The following SLC30A5 variants were observed in gnomAD, a reference collection of about 807,000 sequenced individuals.
SLC30A5 encodes the protein solute carrier family 30 member 5.
SLC30A5 carries 33 observed loss-of-function variants against 79.6 expected under a neutral mutation model. That is an observed-to-expected ratio of 0.41 (90% CI 0.31 to 0.55). SLC30A5 has a LOEUF of 0.55. Ranked by LOEUF, SLC30A5 falls within the 20% of genes least tolerant of loss-of-function variation. SLC30A5 has a pLI of 0.20. For missense variants in SLC30A5, 788 were observed against 928.1 expected, an observed-to-expected ratio of 0.85 and a Z score of 1.96; for synonymous variants, 299 against 319.7, an observed-to-expected ratio of 0.94 and a Z score of 0.69.
chr5:69,114,833 C>G (rs1036937731), intron 7 of SLC30A5, among the ~76,000 whole-genome samples: 3 of 152,066 alleles, frequency 2.0e-5, no homozygotes, highest in African/African-American at 7.2e-5. Context: ...CTATTGCACT[C>G]CAGCCTGGGC....
In SLC30A5 at chr5:69,121,761, A is replaced by T. The variant is rs1035493378; in HGVS notation, c.1637A>T (p.His546Leu). The T allele has an allele frequency of 1.9e-6, 3 of 1,612,398 alleles. No homozygotes were observed. In the African/African-American group the frequency reaches 4.0e-5, roughly 22 times the overall value. ...TGTGCCTTTAGCCATGCCCATAGCC[A>T]TGCCCATGGAGCTTCTCAAGGAAGC... ...GICAFSHAHS[H>L]AHGASQGSCH... The change falls in exon 13 of 16, where the codon CAT becomes CTT. Residue 546 changes from histidine (H) to leucine (L), a missense_variant. This residue lies in a region of SLC30A5 where 626 missense variants were observed against 755.5 expected (regional missense o/e 0.83). Transcript: ENST00000396591.
Position 69,118,311 on chromosome 5 carries a change from GTA to G in SLC30A5, c.1440-176_1440-175del, listed in dbSNP as rs1193400632. 310 of 158,368 alleles carry G rather than the reference GTA, an allele frequency of 2.0e-3. 3 individuals carry two copies. Among genetic ancestry groups the G allele is most frequent in the Middle Eastern group, 8.1e-3 (3 of 370 alleles). 9.8% of individuals were successfully genotyped at this position (158,368 alleles called of 1,614,324 possible). On this transcript the variant is annotated intron_variant, in intron 11 of 15. Coordinates refer to ENST00000396591, the MANE Select transcript of SLC30A5 (RefSeq NM_022902.5). ...TCATATATAACGTGTATATATATGT[GTA>G]TATATATATATGTATATATATATGA...
chr5:69,104,024 T>C (rs1474585812), intron 3 of SLC30A5: 1 of 1,569,040 alleles, frequency 6.4e-7, no homozygotes, highest in South Asian at 1.2e-5. Flanking sequence ...TAAATGATCC[T>C]AGGAAACTAG....
chr5:69,111,545 C>T (rs1021006250), intron 5 of SLC30A5, among the ~76,000 whole-genome samples: 7 of 151,950 alleles, frequency 4.6e-5, no homozygotes, highest in Admixed American at 3.9e-4. Context: ...ACCTCATGAT[C>T]CACCCGCCTC....
chr5:69,104,402 A>C (rs1746024111), intron 3 of SLC30A5: 1 of 1,182,810 alleles, frequency 8.5e-7, no homozygotes, highest in African/African-American at 1.6e-5. Context: ...TCGGCCTCAC[A>C]AAGTGCTAGG....
chr5:69,116,684 C>T lies in SLC30A5; in HGVS notation c.1281+82C>T. 2 of 903,446 alleles carry T rather than the reference C, an allele frequency of 2.2e-6. No homozygotes were observed. Among genetic ancestry groups the T allele is most frequent in the Non-Finnish European group, 3.1e-6 (2 of 649,550 alleles). The allele number at this position is 903,446 out of a possible 1,614,324, so 56.0% of individuals were successfully genotyped here. On this transcript the variant is annotated intron_variant, in intron 10 of 15. Coordinates refer to ENST00000396591, the MANE Select transcript of SLC30A5 (RefSeq NM_022902.5). The surrounding 1 kb of genome is among the most constrained non-coding windows in gnomAD (Gnocchi z 4.0). ...CAGTTCTGGTATAAGTTTAGTACTT[C>T]CCAAATTTCTGATAATAAGATGAGC...
chr5:69,117,325 C>T lies in SLC30A5; in HGVS notation c.1368C>T (p.Cys456=), dbSNP rs1415466620. The stretch of plus-strand genomic sequence containing the variant: ...ATGGATTCCACATGCTTTTTGACTG[C>T]TCTGCTTTAGTCATGGGACTTTTTG... The part of the protein sequence containing the change: ...ISDGFHMLFD[C]SALVMGLFAA... The change falls in exon 11 of 16, where the codon TGC becomes TGT. Residue 456 remains cysteine (C), a synonymous_variant. Transcript: ENST00000396591. 1 of 1,613,872 alleles carries T rather than the reference C, an allele frequency of 6.2e-7. No homozygotes were observed. Among genetic ancestry groups the T allele is most frequent in the Non-Finnish European group, 8.5e-7 (1 of 1,179,946 alleles).
intron 3 of SLC30A5, 39 bp from the exon 4 acceptor site, chr5:69,104,592 T>C: frequency 6.7e-7 from 1 of 1,489,354 alleles, no homozygotes; most frequent in Non-Finnish European, 9.0e-7. Context: ...GCAAAATATA[T>C]GTGACTGAAA....
In SLC30A5 at chr5:69,116,669, A is replaced by G. The variant is rs921870769; in HGVS notation, c.1281+67A>G. 7 of 1,144,936 alleles carry G rather than the reference A, an allele frequency of 6.1e-6. No individual in the cohort carries two copies. The highest frequency in any genetic ancestry group is 3.1e-5 in the African/African-American group (2 of 63,510). 70.9% of individuals were successfully genotyped at this position (1,144,936 alleles called of 1,614,324 possible). A position where few individuals can be genotyped will look rare whatever the true frequency, so the allele number is the denominator to read the frequency against. On this transcript the variant is annotated intron_variant, in intron 10 of 15. Transcript: ENST00000396591. The surrounding 1 kb of genome is among the most constrained non-coding windows in gnomAD (Gnocchi z 4.0). ...ATATTTTAATTTTGACAGTTCTGGT[A>G]TAAGTTTAGTACTTCCCAAATTTCT...
At chr5:69,104,858 T>C in intron 4 of SLC30A5, 142 bp downstream of exon 4, 1 of 721,216 alleles carries the variant, frequency 1.4e-6, no homozygotes, top group East Asian at 3.1e-5. Context: ...ATTCAACAGA[T>C]AGAACAAACC....
chr5:69,100,090 TC>T (rs1317610624), intron 1 of SLC30A5, among the ~76,000 whole-genome samples: 1 of 152,098 alleles, frequency 6.6e-6, no homozygotes, highest in Non-Finnish European at 1.5e-5. Flanking sequence ...TGCCTCAGCC[TC>T]CCAGGTGGCT....
chr5:69,113,570 GA>G (rs1746289022), intron 6 of SLC30A5, among the ~76,000 whole-genome samples: 1 of 151,822 alleles, frequency 6.6e-6, no homozygotes, highest in South Asian at 2.1e-4. Flanking sequence ...GCTGATAAAT[GA>G]AAAACCTTTA....
chr5:69,117,505 A>G (rs2111980408), intron 11 of SLC30A5, 109 bp downstream of exon 11: 1 of 989,392 alleles, frequency 1.0e-6, no homozygotes. Context: ...CCAAATCTTC[A>G]TTTTTAAAAA....
chr5:69,118,441 T>C, intron 11 of SLC30A5, 58 bp from the exon 12 acceptor site: 1 of 1,493,908 alleles, frequency 6.7e-7, no homozygotes, highest in Non-Finnish European at 9.1e-7. Flanking sequence ...ATTTATAAAG[T>C]TTATACTTTA....
chr5:69,116,747 A>T lies in SLC30A5; in HGVS notation c.1281+145A>T. 3.6e-6 allele frequency: 2 copies of T among 559,140 alleles called. No individual in the cohort carries two copies. Among genetic ancestry groups the T allele is most frequent in the Non-Finnish European group, 5.9e-6 (2 of 339,080 alleles). The allele number at this position is 559,140 out of a possible 1,614,324, so 34.6% of individuals were successfully genotyped here. On this transcript the variant is annotated intron_variant, in intron 10 of 15. Transcript: ENST00000396591. The surrounding 1 kb of genome is among the most constrained non-coding windows in gnomAD (Gnocchi z 4.0). ...TTTTTCTAAGTATAATAGCAAGATTACGAGATCATATTCAGATTCCTTAGG... is the reference window on the plus strand; with the variant it reads ...TTTTTCTAAGTATAATAGCAAGATTTCGAGATCATATTCAGATTCCTTAGG...
intron 11 of SLC30A5, among the ~76,000 whole-genome samples, chr5:69,117,893 G>C (rs1308875573): frequency 7.0e-6 from 1 of 142,932 alleles, no homozygotes; most frequent in Non-Finnish European, 1.5e-5. Flanking sequence ...AAAAAAGACA[G>C]GGCCAGGTGC....
At chr5:69,103,962 A>G in intron 3 of SLC30A5, 2 of 1,547,524 alleles carry the variant, frequency 1.3e-6, no homozygotes, top group Admixed American at 1.9e-5. Flanking sequence ...CTCCTTTCAG[A>G]TAATTGGATC....
chr5:69,102,419 T>A (rs1032595664), intron 2 of SLC30A5, among the ~76,000 whole-genome samples: 1 of 152,156 alleles, frequency 6.6e-6, no homozygotes, highest in African/African-American at 2.4e-5. Context: ...AATTAGTAAT[T>A]TCTTCATTTT....
chr5:69,094,427 G>T lies in SLC30A5; in HGVS notation c.83+89G>T, dbSNP rs1040351745. On this transcript the variant is annotated intron_variant, in intron 1 of 15. Transcript: ENST00000396591. ...CCCTCCGGTCTCCGCTGACAGCCCG[G>T]GACGTCCCGGGGTCGGCGCGCCCTC... 3.3e-6 allele frequency: 4 copies of T among 1,220,678 alleles called. No individual in the cohort carries two copies. The African/African-American group carries it at 6.3e-5, about 19-fold the overall frequency. The allele number at this position is 1,220,678 out of a possible 1,614,324, so 75.6% of individuals were successfully genotyped here.
Sources: gnomAD v4.1 joint callset for allele counts (sites outside exome capture counted in the v4.1 genomes callset) on GRCh38, gnomAD v4.1.1 for gene constraint, gnomAD v4.1.1 regional missense constraint, Gnocchi (gnomAD v3.1) non-coding constraint, MANE v1.5 for transcripts, NCBI Gene and HGNC (gene_info 2026-07-23, HGNC 2026-07-21) for gene names.